The following SKA2 variants were observed in gnomAD, a reference collection of about 807,000 sequenced individuals.
The protein encoded by SKA2 is spindle and kinetochore associated complex subunit 2.
SKA2 carries 13 observed loss-of-function variants against 16.9 expected under a neutral mutation model. The ratio of observed to expected loss-of-function variants is 0.77; its 90% confidence interval spans 0.50 to 1.22. The LOEUF (loss-of-function observed/expected upper bound fraction) is 1.22, where lower values mean the gene tolerates loss of function less well. SKA2 is among the 50% of genes most tolerant of loss of function. The pLI is 0.00. For synonymous variants in SKA2, 47 were observed against 48.5 expected (o/e 0.97, Z 0.13); for missense variants, 107 against 139.7 (o/e 0.77, Z 1.18).
At chr17:59,130,684 A>T (rs550351815) in intron 2 of SKA2, among the ~76,000 whole-genome samples, 1 of 152,130 alleles carries the variant, frequency 6.6e-6, no homozygotes, top group Admixed American at 6.6e-5. Flanking sequence ...GGGGAAAAAA[A>T]GATAAACATT....
At chr17:59,155,076 G>A in intron 1 of SKA2, 55 bp downstream of exon 1, 4 of 1,613,952 alleles carry the variant, frequency 2.5e-6, no homozygotes, top group Non-Finnish European at 3.4e-6. Flanking sequence ...CCCCACCTCC[G>A]AGGCCATGGG....
intron 1 of SKA2, among the ~76,000 whole-genome samples, chr17:59,136,651 C>T (rs1015755793): frequency 6.6e-6 from 1 of 151,462 alleles, no homozygotes; most frequent in African/African-American, 2.4e-5. Context: ...CGGGTTCAAG[C>T]GATTCTCCTG....
In SKA2 at chr17:59,139,412, A is replaced by G. The variant is rs541407401; in HGVS notation, c.34-8045T>C. ...ACTCCGTCTCAAAAAAAAAAAAAAA[A>G]AAAAAAGAAATGCATTTTCCATAGA... On this transcript the variant is annotated intron_variant, in intron 1 of 3. Transcript: ENST00000330137. Among the ~76,000 whole-genome samples, 30 of 151,038 alleles carry G rather than the reference A, an allele frequency of 2.0e-4. No homozygotes were observed. In the South Asian group the frequency reaches 5.6e-3, roughly 28 times the overall value.
chr17:59,115,733 A>G (rs1440451021), intron 3 of SKA2, among the ~76,000 whole-genome samples: 1 of 152,170 alleles, frequency 6.6e-6, no homozygotes, highest in African/African-American at 2.4e-5. Context: ...AGCTGCGACT[A>G]CAGGTGCACA....
chr17:59,143,548 A>AT (rs1391346190), intron 1 of SKA2, among the ~76,000 whole-genome samples: 1 of 151,854 alleles, frequency 6.6e-6, no homozygotes, highest in African/African-American at 2.4e-5. Context: ...ATTTTTTTGT[A>AT]TTTTAAATAG....
intron 1 of SKA2, among the ~76,000 whole-genome samples, chr17:59,139,396 CAAAAA>C: frequency 2.0e-5 from 1 of 50,348 alleles, no homozygotes; most frequent in African/African-American, 6.0e-5. Flanking sequence ...GACTCCGTCT[CAAAAA>C]AAAAAAAAAA....
At chr17:59,123,296 T>A (rs997400008) in intron 2 of SKA2, among the ~76,000 whole-genome samples, 1 of 147,360 alleles carries the variant, frequency 6.8e-6, no homozygotes, top group African/African-American at 2.5e-5. Flanking sequence ...TGATGGCTAA[T>A]GCCTGTAATC....
At chr17:59,150,678 G>A (rs1269446370) in intron 1 of SKA2, among the ~76,000 whole-genome samples, 1 of 152,102 alleles carries the variant, frequency 6.6e-6, no homozygotes, top group African/African-American at 2.4e-5. Context: ...GGAGTACAAG[G>A]CTGCAGTGAG....
intron 1 of SKA2, among the ~76,000 whole-genome samples, chr17:59,141,711 G>C (rs1470088366): frequency 7.1e-6 from 1 of 141,070 alleles, no homozygotes; most frequent in African/African-American, 2.6e-5. Flanking sequence ...ATGACAGAAC[G>C]AGACCTTGTC....
intron 1 of SKA2, chr17:59,151,018 T>C: frequency 2.7e-6 from 1 of 365,574 alleles, no homozygotes; most frequent in South Asian, 2.0e-5. Flanking sequence ...AAATTATGAC[T>C]TTCTAAAAGA....
At chr17:59,151,030 A>G in intron 1 of SKA2, 1 of 402,236 alleles carries the variant, frequency 2.5e-6, no homozygotes. Context: ...TCTAAAAGAT[A>G]TACTGTTAGT....
rs568018267 is a variant in SKA2 at position 59,125,237 on chromosome 17, C to A, written c.121-5742G>T. Among the ~76,000 whole-genome samples, 46 of 149,412 alleles carry A rather than the reference C, an allele frequency of 3.1e-4. No homozygotes were observed. The East Asian group carries it at 9.0e-3, about 29-fold the overall frequency. Reference sequence around the variant, plus strand: ...ACTCCTGGCCCTCAGGTGATCCACCCGCCTTGGCCTCCCAAAGTGCTGGGA... The same window carrying A: ...ACTCCTGGCCCTCAGGTGATCCACCAGCCTTGGCCTCCCAAAGTGCTGGGA... On this transcript the variant is annotated intron_variant, in intron 2 of 3. Coordinates refer to ENST00000330137, the MANE Select transcript of SKA2 (RefSeq NM_182620.4).
chr17:59,110,977 A>G lies in SKA2; in HGVS notation c.*1300T>C, dbSNP rs577987271. ...TAATTCTATAACCTGCAGAACTAAC[A>G]TTTGATGCATTTTTCCTAGTCCTTT... On this transcript the variant is annotated 3_prime_UTR_variant, in exon 4 of 4. Coordinates refer to ENST00000330137, the MANE Select transcript of SKA2 (RefSeq NM_182620.4). The G allele has an allele frequency of 6.6e-6, 1 of 152,280 alleles. No individual in the cohort carries two copies. Among genetic ancestry groups the G allele is most frequent in the African/African-American group, 2.4e-5 (1 of 41,562 alleles). The allele number at this position is 152,280 out of a possible 1,614,324, so 9.4% of individuals were successfully genotyped here.
At chr17:59,126,605 A>G (rs1001972857) in intron 2 of SKA2, among the ~76,000 whole-genome samples, 13 of 152,242 alleles carry the variant, frequency 8.5e-5, no homozygotes, top group African/African-American at 3.1e-4. Context: ...ACAAATCTAC[A>G]AAGATTAAAA....
intron 1 of SKA2, among the ~76,000 whole-genome samples, chr17:59,147,829 CA>C (rs536221750): frequency 0.01 from 1,057 of 104,962 alleles, 3 homozygotes; most frequent in African/African-American, 0.013. Flanking sequence ...TTGTTTTAAG[CA>C]AAAAAAAAAA....
At chr17:59,125,286 C>T (rs942147749) in intron 2 of SKA2, among the ~76,000 whole-genome samples, 11 of 151,326 alleles carry the variant, frequency 7.3e-5, no homozygotes, top group Non-Finnish European at 1.3e-4. Flanking sequence ...CCACCGCGCC[C>T]GGCCAGGAGC....
chr17:59,126,993 G>A (rs1486527437), intron 2 of SKA2, among the ~76,000 whole-genome samples: 1 of 152,184 alleles, frequency 6.6e-6, no homozygotes, highest in Non-Finnish European at 1.5e-5. Context: ...CATTATAAGT[G>A]ACATACATGA....
intron 1 of SKA2, among the ~76,000 whole-genome samples, chr17:59,151,440 A>G (rs1053011139): frequency 1.3e-5 from 2 of 152,208 alleles, no homozygotes; most frequent in African/African-American, 4.8e-5. Flanking sequence ...ACATGCATAG[A>G]TGTAGAAAGG....
chr17:59,149,523 AT>A (rs1456655953), intron 1 of SKA2, among the ~76,000 whole-genome samples: 4 of 126,124 alleles, frequency 3.2e-5, no homozygotes, highest in South Asian at 2.6e-4. Flanking sequence ...AAAGAAAAAA[AT>A]ATTGCTAAAA....
Sources: allele counts gnomAD v4.1 joint callset (sites outside exome capture counted in the v4.1 genomes callset), GRCh38; gene constraint gnomAD v4.1.1; transcripts MANE v1.5; gene names NCBI Gene and HGNC (gene_info 2026-07-23, HGNC 2026-07-21).